Variants in DMD observed in about 807,000 individuals in gnomAD.
DMD encodes the protein dystrophin, also known as mutant dystrophin.
In DMD, 63 loss-of-function variants were observed where a neutral mutation model predicts 330.1. The ratio of observed to expected loss-of-function variants is 0.19; its 90% CI spans 0.16 to 0.24. DMD has a LOEUF of 0.24. DMD is among the 10% of genes least tolerant of loss of function. DMD has a pLI of 1.00. For synonymous variants in DMD, 1,223 were observed against 959.8 expected (o/e 1.27, Z -5.07); for missense variants, 3,344 against 2,684.1 (o/e 1.25, Z -5.43).
intron 52 of DMD, among the ~76,000 whole-genome samples, chrX:31,724,472 A>C (rs1274207738): frequency 8.9e-6 from 1 of 111,796 alleles, no homozygotes; most frequent in Non-Finnish European, 1.9e-5. Flanking sequence ...TTTATGCAAT[A>C]TAATGTGAAT....
chrX:32,670,386 G>A (rs2061558516), intron 9 of DMD, among the ~76,000 whole-genome samples: 1 of 111,476 alleles, frequency 9.0e-6, no homozygotes, highest in South Asian at 3.7e-4. Context: ...TAACACAAAG[G>A]CCAGAAGACA....
intron 57 of DMD, among the ~76,000 whole-genome samples, chrX:31,484,513 T>TAGTGATATGAGAGAATTAGA (rs2068639433): frequency 9.0e-6 from 1 of 111,511 alleles, no homozygotes; most frequent in Non-Finnish European, 1.9e-5. Context: ...GGGTCCAAAA[T>TAGTGATATGAGAGAATTAGA]AGTGATATGA....
chrX:31,929,181 G>C (rs1402166461), intron 47 of DMD, among the ~76,000 whole-genome samples: 1 of 111,789 alleles, frequency 8.9e-6, no homozygotes, highest in Non-Finnish European at 1.9e-5. Flanking sequence ...GAACGTTAGT[G>C]TACATTAATT....
chrX:33,237,250 CT>C (rs1352867268), intron 1 of DMD, among the ~76,000 whole-genome samples: 19 of 82,064 alleles, frequency 2.3e-4, no homozygotes, highest in Admixed American at 1.5e-4. Flanking sequence ...TTCTTTCTCT[CT>C]TTTTTTTTTG....
chrX:32,731,129 C>G (rs1472091754), intron 7 of DMD, among the ~76,000 whole-genome samples: 1 of 111,985 alleles, frequency 8.9e-6, no homozygotes, highest in Non-Finnish European at 1.9e-5. Flanking sequence ...GTTCCCTTTC[C>G]TAGTCAAAGA....
At chrX:32,710,287 C>A (rs377728804) in intron 7 of DMD, among the ~76,000 whole-genome samples, 1 of 110,546 alleles carries the variant, frequency 9.0e-6, no homozygotes, top group Non-Finnish European at 1.9e-5. Flanking sequence ...GTTTGGCTCC[C>A]AGTTCTTTCA....
chrX:32,646,601 T>A (rs1008017125), intron 9 of DMD, among the ~76,000 whole-genome samples: 1 of 111,464 alleles, frequency 9.0e-6, no homozygotes, highest in Non-Finnish European at 1.9e-5. Context: ...TTTGGTGGCT[T>A]TCCCCTGGTG....
intron 28 of DMD, among the ~76,000 whole-genome samples, chrX:32,439,048 T>C (rs1468277437): frequency 9.0e-6 from 1 of 111,651 alleles, no homozygotes; most frequent in Non-Finnish European, 1.9e-5. Flanking sequence ...TGCTCAAAAT[T>C]GACAAAGTTG....
intron 44 of DMD, among the ~76,000 whole-genome samples, chrX:32,205,000 C>CA (rs1380926673): frequency 6.4e-3 from 341 of 53,160 alleles, no homozygotes; most frequent in African/African-American, 0.027. Flanking sequence ...CTCTCTCTCT[C>CA]TCTCTCACAT....
intron 1 of DMD, among the ~76,000 whole-genome samples, chrX:33,176,804 C>T (rs772168212): frequency 6.3e-5 from 7 of 110,334 alleles, no homozygotes; most frequent in Non-Finnish European, 1.3e-4. Context: ...GTCATGGTGG[C>T]GCTCCACTTG....
chrX:32,250,118 T>C (rs2097257663), intron 43 of DMD, among the ~76,000 whole-genome samples: 1 of 111,744 alleles, frequency 8.9e-6, no homozygotes, highest in Non-Finnish European at 1.9e-5. Context: ...AATAATACTT[T>C]ATAGTTTTAT....
At chrX:31,622,454 C>A (rs2038354714) in intron 55 of DMD, among the ~76,000 whole-genome samples, 2 of 111,377 alleles carry the variant, frequency 1.8e-5, no homozygotes, top group African/African-American at 6.5e-5. Context: ...TGGATTGATA[C>A]TCATTAAAGT....
chrX:31,189,186 T>A (rs2042081640), intron 67 of DMD, among the ~76,000 whole-genome samples: 1 of 112,037 alleles, frequency 8.9e-6, no homozygotes, highest in African/African-American at 3.2e-5. Flanking sequence ...CCAGCTACCA[T>A]GAACACGTAC....
intron 45 of DMD, among the ~76,000 whole-genome samples, chrX:31,962,524 C>T (rs1188427201): frequency 4.5e-5 from 5 of 111,740 alleles, no homozygotes; most frequent in African/African-American, 1.3e-4. Context: ...GGACCAGAGA[C>T]CACACTTTGA....
At chrX:33,075,440 A>G (rs1052843417) in intron 1 of DMD, among the ~76,000 whole-genome samples, 1 of 111,903 alleles carries the variant, frequency 8.9e-6, no homozygotes, top group African/African-American at 3.3e-5. Context: ...AAAACTCTCC[A>G]TTGCAATTCC....
intron 2 of DMD, among the ~76,000 whole-genome samples, chrX:32,859,992 T>C (rs2081953034): frequency 9.0e-6 from 1 of 111,642 alleles, no homozygotes; most frequent in Non-Finnish European, 1.9e-5. Flanking sequence ...ATATCTGATA[T>C]TACTCAGTTT....
Position 31,851,985 on chromosome X carries a change from T to G in DMD, c.7099-15166A>C, listed in dbSNP as rs747845196. Among the ~76,000 whole-genome samples, 5 of 107,481 alleles carry G rather than the reference T, an allele frequency of 4.7e-5. No homozygotes were observed. The East Asian group carries it at 1.5e-3, about 32-fold the overall frequency. 93.3% of individuals were successfully genotyped at this position (107,481 alleles called of 115,157 possible). ...AAGTGCAAAGGCCCTGGGGCAGGAG[T>G]GTATGTGTATGTTCAATTAAAAAAA... is the stretch of plus-strand genomic sequence containing the variant. On this transcript the variant is annotated intron_variant, in intron 48 of 78. Coordinates refer to ENST00000357033, the MANE Select transcript of DMD (RefSeq NM_004006.3).
At chrX:32,886,942 G>A (rs1227578558) in intron 2 of DMD, among the ~76,000 whole-genome samples, 1 of 111,584 alleles carries the variant, frequency 9.0e-6, no homozygotes, top group African/African-American at 3.3e-5. Flanking sequence ...CCCTCATTTC[G>A]GGTAAAAAGG....
intron 1 of DMD, among the ~76,000 whole-genome samples, chrX:33,303,138 A>G (rs905364245): frequency 9.0e-6 from 1 of 111,648 alleles, no homozygotes; most frequent in Non-Finnish European, 1.9e-5. Context: ...TGAATGTTCT[A>G]CATCTTATTT....
Sources: allele counts gnomAD v4.1 joint callset (sites outside exome capture counted in the v4.1 genomes callset), GRCh38; gene constraint gnomAD v4.1.1; transcripts MANE v1.5; gene names NCBI Gene and HGNC (gene_info 2026-07-23, HGNC 2026-07-21).